Variants in INPP4A observed in about 807,000 individuals in gnomAD.
The protein encoded by INPP4A is inositol polyphosphate-4-phosphatase type I A, also known as inositol polyphosphate-4-phosphatase, type I, 107kD.
INPP4A carries 33 observed loss-of-function variants against 119.8 expected under a neutral mutation model. The observed-to-expected ratio is 0.28, with a 90% CI of 0.21 to 0.37. The LOEUF (loss-of-function observed/expected upper bound fraction) is 0.37, where lower values mean the gene tolerates loss of function less well. Among genes scored for constraint, INPP4A ranks in the 10% least tolerant of loss-of-function variants. The pLI is 1.00. For synonymous variants in INPP4A, 496 were observed against 500.7 expected (o/e 0.99, Z 0.12); for missense variants, 956 against 1,289.9 (o/e 0.74, Z 3.97).
At chr2:98,472,367 C>G (rs561417698) in intron 1 of INPP4A, among the ~76,000 whole-genome samples, 1 of 152,208 alleles carries the variant, frequency 6.6e-6, no homozygotes, top group Non-Finnish European at 1.5e-5. Flanking sequence ...TGCACAGACT[C>G]GAGTCCCCCA....
chr2:98,517,252 G>C (rs561973453), intron 1 of INPP4A, among the ~76,000 whole-genome samples: 1 of 152,296 alleles, frequency 6.6e-6, no homozygotes, highest in African/African-American at 2.4e-5. Flanking sequence ...TGTTTCATCT[G>C]TTCTACTGTT....
intron 1 of INPP4A, among the ~76,000 whole-genome samples, chr2:98,455,910 C>T (rs1331223911): frequency 1.3e-5 from 2 of 152,186 alleles, no homozygotes; most frequent in African/African-American, 2.4e-5. Flanking sequence ...TCACACAGAC[C>T]ACATTCTTCC....
chr2:98,497,924 A>G (rs754066626), intron 1 of INPP4A, among the ~76,000 whole-genome samples: 3 of 152,092 alleles, frequency 2.0e-5, no homozygotes, highest in Non-Finnish European at 2.9e-5. Context: ...GGCTGTGTTT[A>G]CCCAATACCT....
rs1700137477 is a variant in INPP4A, at chr2:98,588,355, C to T, written c.*747C>T. 2 of 199,814 alleles carry T rather than the reference C, an allele frequency of 1.0e-5. No individual in the cohort carries two copies. The highest frequency in any genetic ancestry group is 1.0e-5 in the Non-Finnish European group (1 of 97,020). The allele number at this position is 199,814 out of a possible 1,614,324, so 12.4% of individuals were successfully genotyped here. ...AGCCTGTCTCCTGTTCTCTGAAGCT[C>T]CCTGCCGAGGCTCCCTCACGCCCAG... On this transcript the variant is annotated 3_prime_UTR_variant, in exon 25 of 25. Transcript: ENST00000409851.
At chr2:98,575,372 T>C (rs1055634124) in intron 23 of INPP4A, among the ~76,000 whole-genome samples, 1 of 152,202 alleles carries the variant, frequency 6.6e-6, no homozygotes, top group Non-Finnish European at 1.5e-5. Context: ...TTGAAACCTA[T>C]AGTTCCAGCT....
rs978528112 is a variant in INPP4A at position 98,555,773 on chromosome 2, T to C, written c.1787T>C (p.Met596Thr). 8.9e-6 allele frequency: 14 copies of C among 1,574,880 alleles called. No individual in the cohort carries two copies. The Admixed American group carries it at 1.3e-4, about 15-fold the overall frequency. Reference protein sequence around the residue: ...DVPSSPCPSTMPSTACHPHLT... With the variant: ...DVPSSPCPSTTPSTACHPHLT... ...CCCTCCTCACCATGCCCCTCCACCA[T>C]GCCCTCCACTGCATGCCATCCTCAT... Residue 596 changes from methionine (M) to threonine (T), a missense_variant, in exon 16 of 25, where the codon ATG becomes ACG. By Grantham distance (81) the Met-to-Thr change is moderately conservative. Around this residue, in one of 2 missense-constraint regions of INPP4A, gnomAD observed 652 missense variants for 797.9 expected, o/e 0.82. Coordinates refer to ENST00000409851, the MANE Select transcript of INPP4A (RefSeq NM_001134225.2).
At chr2:98,548,815 G>T in intron 13 of INPP4A, 1 of 755,054 alleles carries the variant, frequency 1.3e-6, no homozygotes, top group Non-Finnish European at 2.2e-6. Context: ...CATGATTGTA[G>T]TCATCCCTGT....
intron 15 of INPP4A, among the ~76,000 whole-genome samples, chr2:98,555,255 GAGAC>G (rs1221174205): frequency 1.3e-5 from 2 of 152,206 alleles, no homozygotes; most frequent in African/African-American, 4.8e-5. Context: ...AGGAGGAGAT[GAGAC>G]AGTGCCCTGT....
rs974031068 is a variant in INPP4A at position 98,554,736 on chromosome 2, G to A, written c.1566+247G>A. On this transcript the variant is annotated intron_variant, in intron 15 of 24. Coordinates refer to ENST00000409851, the MANE Select transcript of INPP4A (RefSeq NM_001134225.2). This position sits in a 1 kb window ranked among gnomAD's most constrained non-coding sequence, Gnocchi z 4.7. The stretch of plus-strand genomic sequence containing the variant: ...GGCCAGCCTCAGACCTGGATGAAGA[G>A]GAAGACAAGTGGGTTTTCCTCCCGT... Among the ~76,000 whole-genome samples the A allele has an allele frequency of 6.6e-6, 1 of 152,190 alleles. No homozygotes were observed. The highest frequency in any genetic ancestry group is 1.5e-5 in the Non-Finnish European group (1 of 68,032).
rs762043396 is a variant in INPP4A at position 98,544,084 on chromosome 2, C to T, written c.949+77C>T. On this transcript the variant is annotated intron_variant, in intron 11 of 24. Transcript: ENST00000409851. Reference sequence around the variant, plus strand: ...ACACACTCTCACTCTCACTCAGTCACTCCCTCTGCTTTCCCAGCCAGGGAT... The same window carrying T: ...ACACACTCTCACTCTCACTCAGTCATTCCCTCTGCTTTCCCAGCCAGGGAT... 31 of 1,336,346 alleles carry T rather than the reference C, an allele frequency of 2.3e-5. No individual in the cohort carries two copies. In the South Asian group the frequency reaches 4.6e-4, roughly 20 times the overall value. 82.8% of individuals were successfully genotyped at this position (1,336,346 alleles called of 1,614,324 possible). A position where few individuals can be genotyped will look rare whatever the true frequency, so the allele number is the denominator to read the frequency against.
At position 98,476,706 on chromosome 2, in the gene INPP4A, C is replaced by T. The variant is rs75598060; in HGVS notation, c.-166+31621C>T. ...TCATGGTTTCCACAGTGGTTTGCCT[C>T]ATTCACCATCACCTGAGAATGGCCA... On this transcript the variant is annotated intron_variant, in intron 1 of 24. Transcript: ENST00000409851. 5.2e-3 allele frequency among the ~76,000 whole-genome samples: 792 copies of T among 152,314 alleles called. 12 individuals are homozygous for T. Among genetic ancestry groups the T allele is most frequent in the African/African-American group, 0.018 (736 of 41,568 alleles).
intron 10 of INPP4A, among the ~76,000 whole-genome samples, chr2:98,542,542 A>G (rs1444019136): frequency 2.6e-5 from 4 of 152,202 alleles, no homozygotes; most frequent in Non-Finnish European, 5.9e-5. Context: ...ATTTCCACAT[A>G]TATGTGTAAA....
At chr2:98,503,653 C>CT (rs1198366082) in intron 1 of INPP4A, among the ~76,000 whole-genome samples, 1 of 152,240 alleles carries the variant, frequency 6.6e-6, no homozygotes, top group African/African-American at 2.4e-5. Context: ...TGTGTGTTCA[C>CT]TGTAAGTGCC....
intron 1 of INPP4A, among the ~76,000 whole-genome samples, chr2:98,445,610 CTGAGAAA>C (rs1429936260): frequency 6.6e-6 from 1 of 152,182 alleles, no homozygotes; most frequent in Non-Finnish European, 1.5e-5. Context: ...TAATTGAGGC[CTGAGAAA>C]TGTGCAGGGA....
chr2:98,503,479 G>A (rs1405635239), intron 1 of INPP4A, among the ~76,000 whole-genome samples: 1 of 152,160 alleles, frequency 6.6e-6, no homozygotes, highest in Non-Finnish European at 1.5e-5. Flanking sequence ...AGATCAACTC[G>A]CACCTCATCT....
intron 1 of INPP4A, among the ~76,000 whole-genome samples, chr2:98,481,980 G>A (rs964325922): frequency 3.7e-4 from 56 of 152,192 alleles, no homozygotes; most frequent in African/African-American, 1.3e-3. Flanking sequence ...ACTCAACACT[G>A]TGTACTTTAA....
chr2:98,593,247 A>AG lies in INPP4A; in HGVS notation c.*5641dup. 1 of 152,462 alleles carries AG rather than the reference A, an allele frequency of 6.6e-6. No individual in the cohort carries two copies. Among genetic ancestry groups the AG allele is most frequent in the African/African-American group, 2.4e-5 (1 of 41,474 alleles). 9.4% of individuals were successfully genotyped at this position (152,462 alleles called of 1,614,324 possible). Reference sequence around the variant, plus strand: ...ACAGAAAAAGCTGAGCAGACAGGGTAGGAAACACACTTGCATCTCCATGGC... The same window carrying AG: ...ACAGAAAAAGCTGAGCAGACAGGGTAGGGAAACACACTTGCATCTCCATGGC... On this transcript the variant is annotated 3_prime_UTR_variant, in exon 25 of 25. Coordinates refer to ENST00000409851, the MANE Select transcript of INPP4A (RefSeq NM_001134225.2).
At chr2:98,500,076 T>C (rs962684706) in intron 1 of INPP4A, among the ~76,000 whole-genome samples, 1 of 152,250 alleles carries the variant, frequency 6.6e-6, no homozygotes, top group Non-Finnish European at 1.5e-5. Flanking sequence ...ATGTGTCATT[T>C]AATCCTAACT....
chr2:98,467,278 A>G (rs1674987755), intron 1 of INPP4A, among the ~76,000 whole-genome samples: 1 of 152,070 alleles, frequency 6.6e-6, no homozygotes, highest in Admixed American at 6.6e-5. Flanking sequence ...TGACCCAAAT[A>G]CTTCCCATTA....
Sources: gnomAD v4.1 joint callset for allele counts (sites outside exome capture counted in the v4.1 genomes callset) on GRCh38, gnomAD v4.1.1 for gene constraint, gnomAD v4.1.1 regional missense constraint, Gnocchi (gnomAD v3.1) non-coding constraint, MANE v1.5 for transcripts, NCBI Gene and HGNC (gene_info 2026-07-23, HGNC 2026-07-21) for gene names.